Variants in TAFA2 observed in about 807,000 individuals in gnomAD.
TAFA2 encodes the protein TAFA chemokine like family member 2.
A neutral mutation model predicts 18.8 loss-of-function variants in TAFA2; 7 were observed. That is an observed-to-expected ratio of 0.37 (90% CI 0.21 to 0.70). The LOEUF (loss-of-function observed/expected upper bound fraction) is 0.70, where lower values mean the gene tolerates loss of function less well. TAFA2 is among the 30% of genes least tolerant of loss of function. TAFA2 has a pLI of 0.53. For missense variants in TAFA2, 122 were observed against 158.1 expected, an observed-to-expected ratio of 0.77 and a Z score of 1.23; for synonymous variants, 60 against 54.2, an observed-to-expected ratio of 1.11 and a Z score of -0.47.
chr12:61,744,623 T>C (rs1320413846), intron 4 of TAFA2, among the ~76,000 whole-genome samples: 2 of 152,086 alleles, frequency 1.3e-5, no homozygotes, highest in Non-Finnish European at 2.9e-5. Flanking sequence ...GGCACAATCA[T>C]GGCTTACTGC....
intron 1 of TAFA2, among the ~76,000 whole-genome samples, chr12:61,876,933 C>T (rs934542586): frequency 6.6e-6 from 1 of 152,136 alleles, no homozygotes; most frequent in Non-Finnish European, 1.5e-5. Context: ...ATGCTGGGAC[C>T]CACACACTTT....
chr12:61,875,390 A>G (rs1396916352), intron 1 of TAFA2, among the ~76,000 whole-genome samples: 3 of 151,998 alleles, frequency 2.0e-5, no homozygotes, highest in South Asian at 4.1e-4. Context: ...AGTATTATCT[A>G]TCTCCTCCAG....
chr12:61,806,312 T>A (rs185099855), intron 2 of TAFA2, among the ~76,000 whole-genome samples: 1 of 152,230 alleles, frequency 6.6e-6, no homozygotes, highest in Non-Finnish European at 1.5e-5. Context: ...CGAGATCTGA[T>A]GTATTTTAAG....
chr12:62,234,890 C>G, intron 1 of TAFA2: 2 of 997,712 alleles, frequency 2.0e-6, no homozygotes, highest in African/African-American at 3.2e-5. Context: ...ATCCCACGAT[C>G]ATGGGCATCT....
At chr12:61,885,568 G>A (rs542298634) in intron 1 of TAFA2, among the ~76,000 whole-genome samples, 13 of 152,120 alleles carry the variant, frequency 8.5e-5, no homozygotes, top group South Asian at 2.1e-4. Context: ...GACCATCTGG[G>A]GAGCATGTGT....
intron 1 of TAFA2, among the ~76,000 whole-genome samples, chr12:61,873,910 G>GT (rs1874728548): frequency 6.6e-6 from 1 of 152,136 alleles, no homozygotes; most frequent in South Asian, 2.1e-4. Context: ...AGAGACTCAT[G>GT]TAAGTTGTAT....
intron 2 of TAFA2, among the ~76,000 whole-genome samples, chr12:61,785,355 G>A (rs913472157): frequency 7.8e-6 from 1 of 127,512 alleles, no homozygotes; most frequent in East Asian, 2.5e-4. Context: ...GTGTGTGTGT[G>A]TGTGTTTGTG....
At chr12:62,234,050 G>T (rs2062824372) in intron 1 of TAFA2, among the ~76,000 whole-genome samples, 1 of 152,130 alleles carries the variant, frequency 6.6e-6, no homozygotes, top group African/African-American at 2.4e-5. Context: ...GCAGAGGCAG[G>T]GTGCCTTCAT....
At chr12:61,769,638 T>C (rs1016902034) in intron 2 of TAFA2, among the ~76,000 whole-genome samples, 1 of 151,708 alleles carries the variant, frequency 6.6e-6, no homozygotes, top group African/African-American at 2.4e-5. Context: ...GGAAGAGAAA[T>C]AACAATCACT....
chr12:61,721,070 T>A (rs1005077520), intron 4 of TAFA2: 6 of 399,832 alleles, frequency 1.5e-5, no homozygotes, highest in Non-Finnish European at 3.0e-5. Flanking sequence ...ACAGTGGGGA[T>A]AGGTTTGTAT....
chr12:62,099,221 A>G (rs556256266), intron 1 of TAFA2, among the ~76,000 whole-genome samples: 28 of 152,254 alleles, frequency 1.8e-4, no homozygotes, highest in Non-Finnish European at 2.5e-4. Flanking sequence ...ACATCCTCCA[A>G]ATCAATATGA....
At chr12:62,258,389 T>G (rs2062951306) in intron 1 of TAFA2, 1 of 152,378 alleles carries the variant, frequency 6.6e-6, no homozygotes, top group Admixed American at 6.5e-5. Context: ...CATTGTATGG[T>G]TGTAGCTGTC....
At chr12:61,995,752 G>A (rs1880163730) in intron 1 of TAFA2, among the ~76,000 whole-genome samples, 1 of 152,146 alleles carries the variant, frequency 6.6e-6, no homozygotes, top group East Asian at 1.9e-4. Context: ...TACGGCTTAG[G>A]GTAGATGAGA....
intron 1 of TAFA2, among the ~76,000 whole-genome samples, chr12:62,202,204 T>C (rs1410002235): frequency 6.6e-6 from 1 of 152,118 alleles, no homozygotes; most frequent in Non-Finnish European, 1.5e-5. Flanking sequence ...GATTAGCTGA[T>C]TTTTTAAGGG....
intron 1 of TAFA2, among the ~76,000 whole-genome samples, chr12:61,987,336 T>A (rs974116976): frequency 3.9e-5 from 6 of 152,168 alleles, no homozygotes; most frequent in African/African-American, 1.4e-4. Flanking sequence ...TGTCCACACA[T>A]CTCTGCCTGC....
At chr12:62,086,160 C>T (rs1039625184) in intron 1 of TAFA2, among the ~76,000 whole-genome samples, 3 of 148,708 alleles carry the variant, frequency 2.0e-5, no homozygotes, top group African/African-American at 7.6e-5. Context: ...CGGACTAAGA[C>T]AGTCTCAAAA....
intron 1 of TAFA2, among the ~76,000 whole-genome samples, chr12:61,902,635 C>A (rs1339829811): frequency 6.6e-6 from 1 of 152,162 alleles, no homozygotes; most frequent in African/African-American, 2.4e-5. Flanking sequence ...CCTGTTAGAG[C>A]CTTCTCTGTT....
intron 1 of TAFA2, among the ~76,000 whole-genome samples, chr12:61,898,147 C>T (rs1875935974): frequency 6.6e-6 from 1 of 152,250 alleles, no homozygotes; most frequent in Admixed American, 6.5e-5. Context: ...CTCCCATGGC[C>T]TTGGGCAGTT....
chr12:61,930,701 T>G (rs1222319539), intron 1 of TAFA2, among the ~76,000 whole-genome samples: 1 of 152,246 alleles, frequency 6.6e-6, no homozygotes, highest in African/African-American at 2.4e-5. Flanking sequence ...ACAGACTTAC[T>G]TCCACGCCAG....
Sources: allele counts gnomAD v4.1 joint callset (sites outside exome capture counted in the v4.1 genomes callset), GRCh38; gene constraint gnomAD v4.1.1; transcripts MANE v1.5; gene names NCBI Gene and HGNC (gene_info 2026-07-23, HGNC 2026-07-21).